The following CNIH3 variants were observed in gnomAD, a reference collection of about 807,000 sequenced individuals.
CNIH3 encodes the protein cornichon family AMPA receptor auxiliary protein 3, also known as protein cornichon homolog 3.
A neutral mutation model predicts 24.1 loss-of-function variants in CNIH3; 14 were observed. That is an observed-to-expected ratio of 0.58 (90% CI 0.38 to 0.91). CNIH3 has a LOEUF of 0.91. Ranked by LOEUF, CNIH3 falls within the 40% of genes least tolerant of loss-of-function variation. CNIH3 has a pLI of 0.00. For missense variants in CNIH3, 178 were observed against 196.8 expected (o/e 0.90, Z 0.57); for synonymous variants, 68 against 73.8 (o/e 0.92, Z 0.40).
chr1:224,554,494 T>C (rs2648740), intron 3 of CNIH3, among the ~76,000 whole-genome samples: 4,918 of 152,274 alleles, frequency 0.032, 230 homozygotes, highest in African/African-American at 0.1. Flanking sequence ...GCATCTGTAC[T>C]GAACACCTGC....
chr1:224,579,835 G>A (rs72760323), intron 4 of CNIH3, among the ~76,000 whole-genome samples: 11,135 of 152,226 alleles, frequency 0.073, 555 homozygotes, highest in Middle Eastern at 0.11. Flanking sequence ...GCCATGATTG[G>A]AGACAGCCTG....
chr1:224,670,469 C>G (rs893952921), intron 1 of CNIH3, among the ~76,000 whole-genome samples: 2 of 152,132 alleles, frequency 1.3e-5, no homozygotes, highest in African/African-American at 4.8e-5. Context: ...TTATGGGTAG[C>G]CCACAGCACA....
chr1:224,568,005 A>G (rs1680650707), intron 4 of CNIH3, among the ~76,000 whole-genome samples: 1 of 152,140 alleles, frequency 6.6e-6, no homozygotes, highest in Admixed American at 6.5e-5. Flanking sequence ...AAATATTTAT[A>G]ATGAGGCCAG....
At chr1:224,509,618 T>C (rs1572385336) in intron 1 of CNIH3, among the ~76,000 whole-genome samples, 1 of 152,080 alleles carries the variant, frequency 6.6e-6, no homozygotes, top group Non-Finnish European at 1.5e-5. Flanking sequence ...GCTGCCAGAG[T>C]GGTTTTTCTG....
chr1:224,439,596 C>T (rs1302384199), intron 1 of CNIH3, among the ~76,000 whole-genome samples: 1 of 151,570 alleles, frequency 6.6e-6, no homozygotes, highest in Non-Finnish European at 1.5e-5. Context: ...GTCACTGAAA[C>T]ATTATTATTT....
chr1:224,545,670 G>A (rs1009540214), intron 2 of CNIH3, among the ~76,000 whole-genome samples: 2 of 152,136 alleles, frequency 1.3e-5, no homozygotes, highest in African/African-American at 4.8e-5. Flanking sequence ...ACAGAGGAGG[G>A]GATTTATGTG....
At chr1:224,468,733 C>T (rs1558086648) in intron 1 of CNIH3, among the ~76,000 whole-genome samples, 1 of 151,486 alleles carries the variant, frequency 6.6e-6, no homozygotes, top group Admixed American at 6.6e-5. Context: ...GTGGGAGCAT[C>T]ACTTGAGGCC....
At chr1:224,736,651 C>T (rs570721999) in intron 5 of CNIH3, among the ~76,000 whole-genome samples, 8 of 152,186 alleles carry the variant, frequency 5.3e-5, no homozygotes, top group Non-Finnish European at 1.2e-4. Context: ...GCCTTCCCTC[C>T]CCTTTACATC....
In CNIH3 at chr1:224,616,769, A is replaced by G; in HGVS notation, c.-406A>G. On this transcript the variant is annotated 5_prime_UTR_variant, in exon 1 of 6. Transcript: ENST00000272133. ...CCTCAGCGGTTTAGTGGAGAAAAGC[A>G]GAGAGCTCTTCCTGGGGCGAATGGG... is the stretch of plus-strand genomic sequence containing the variant. 9.7e-7 allele frequency: 1 copy of G among 1,027,168 alleles called. No individual in the cohort carries two copies. Among genetic ancestry groups the G allele is most frequent in the East Asian group, 9.3e-5 (1 of 10,706 alleles). The allele number at this position is 1,027,168 out of a possible 1,614,324, so 63.6% of individuals were successfully genotyped here.
intron 1 of CNIH3, among the ~76,000 whole-genome samples, chr1:224,650,711 C>T (rs760241367): frequency 3.3e-5 from 5 of 152,144 alleles, no homozygotes; most frequent in South Asian, 2.1e-4. Flanking sequence ...TCTATGTGCG[C>T]GAGGATATAG....
intron 4 of CNIH3, among the ~76,000 whole-genome samples, chr1:224,568,526 G>A (rs1680681953): frequency 6.6e-6 from 1 of 152,178 alleles, no homozygotes; most frequent in Admixed American, 6.5e-5. Flanking sequence ...GAAGGCCAAG[G>A]CAGGAGGATT....
intron 3 of CNIH3, among the ~76,000 whole-genome samples, chr1:224,605,550 C>T (rs1682382400): frequency 6.6e-6 from 1 of 152,200 alleles, no homozygotes; most frequent in South Asian, 2.1e-4. Flanking sequence ...TAATTCCCAG[C>T]CATTATTCCA....
At position 224,739,338 on chromosome 1, in the gene CNIH3, C is replaced by T. The variant is rs1689758244; in HGVS notation, c.465C>T (p.Tyr155=). 1.6e-6 allele frequency: 1 copy of T among 643,198 alleles called. No homozygotes were observed. Among genetic ancestry groups the T allele is most frequent in the Non-Finnish European group, 2.6e-6 (1 of 379,080 alleles). 39.8% of individuals were successfully genotyped at this position (643,198 alleles called of 1,614,324 possible). ...SFFYYLYCMI[Y]TLVSS The stretch of plus-strand genomic sequence containing the variant: ...TTTTTTTTGCATTCAGCATGATCTA[C>T]ACTTTAGTGAGCTCTTAACGCAAAG... Residue 155 remains tyrosine (Y), a synonymous_variant, in exon 6 of 6, where the codon TAC becomes TAT. Coordinates refer to ENST00000272133, the MANE Select transcript of CNIH3 (RefSeq NM_152495.2).
intron 1 of CNIH3, among the ~76,000 whole-genome samples, chr1:224,633,901 C>T (rs927260666): frequency 6.6e-6 from 1 of 152,252 alleles, no homozygotes; most frequent in South Asian, 2.1e-4. Flanking sequence ...TCAGGGAAAG[C>T]AAGATTTTCT....
upstream of CNIH3, among the ~76,000 whole-genome samples, chr1:224,514,815 G>A (rs552057382): frequency 1.5e-4 from 23 of 152,318 alleles, no homozygotes; most frequent in African/African-American, 5.1e-4. Context: ...CTTGGCGAGA[G>A]TGAGACCCTG....
chr1:224,434,855 G>T (rs1674569720), exon 1 of CNIH3: 2 of 985,376 alleles, frequency 2.0e-6, no homozygotes, highest in Admixed American at 6.1e-5. Flanking sequence ...ACTCACTTCC[G>T]GTGGCAGGTA....
intron 3 of CNIH3, among the ~76,000 whole-genome samples, chr1:224,722,024 CG>C (rs1049495840): frequency 2.7e-5 from 4 of 150,844 alleles, no homozygotes; most frequent in African/African-American, 9.7e-5. Flanking sequence ...CTGCAAATGC[CG>C]GTTGCCCAGA....
chr1:224,460,468 T>C (rs903110892), intron 1 of CNIH3, among the ~76,000 whole-genome samples: 21 of 152,214 alleles, frequency 1.4e-4, no homozygotes, highest in Admixed American at 5.9e-4. Flanking sequence ...TTTATATAAA[T>C]GGAATCATAG....
chr1:224,715,842 T>C (rs958584625), intron 3 of CNIH3, among the ~76,000 whole-genome samples: 4 of 152,170 alleles, frequency 2.6e-5, no homozygotes, highest in African/African-American at 9.7e-5. Flanking sequence ...CGCCTCCCAT[T>C]AGGCCCCACT....
Sources: gnomAD v4.1 joint callset for allele counts (sites outside exome capture counted in the v4.1 genomes callset) on GRCh38, gnomAD v4.1.1 for gene constraint, MANE v1.5 for transcripts, NCBI Gene and HGNC (gene_info 2026-07-23, HGNC 2026-07-21) for gene names.